FST: variants seen among roughly 807,000 people sequenced by gnomAD.
The protein encoded by FST is activin-binding protein.
Under a neutral mutation model 38.4 loss-of-function variants are expected in FST, and 6 were observed. That is an observed-to-expected ratio of 0.16 (90% CI 0.09 to 0.31). FST has a LOEUF of 0.31. FST is among the 10% of genes least tolerant of loss of function. The pLI is 1.00. For synonymous variants in FST, 157 were observed against 169.8 expected, an observed-to-expected ratio of 0.92 and a Z score of 0.59; for missense variants, 301 against 432.3, an observed-to-expected ratio of 0.70 and a Z score of 2.69.
rs1747350057 is a variant in FST, at chr5:53,483,249, A to G, written c.277+178A>G. ...TTCTGCCTGTTACAGGCTGTAGGGA[A>G]TACACGCCAGACTTCTTAGCCAAGT... is the stretch of plus-strand genomic sequence containing the variant. On this transcript the variant is annotated intron_variant, in intron 2 of 5. Transcript: ENST00000256759. This position sits in a 1 kb window ranked among gnomAD's most constrained non-coding sequence, Gnocchi z 4.1. Among the ~76,000 whole-genome samples the G allele has an allele frequency of 6.6e-6, 1 of 152,208 alleles. No homozygotes were observed. The highest frequency in any genetic ancestry group is 2.1e-4 in the South Asian group (1 of 4,830).
At chr5:53,481,324 T>G (rs973799113) in intron 1 of FST, among the ~76,000 whole-genome samples, 1 of 149,622 alleles carries the variant, frequency 6.7e-6, no homozygotes, top group Admixed American at 6.6e-5. Flanking sequence ...GGGGGAGAGA[T>G]ACTGAATTTT....
chr5:53,485,599 G>A, intron 5 of FST: 1 of 824,942 alleles, frequency 1.2e-6, no homozygotes, highest in Non-Finnish European at 2.1e-6. Flanking sequence ...ATGGGCTGCT[G>A]CTTTTTGCAG....
chr5:53,482,697 T>C (rs1237321286), intron 1 of FST, 183 bp from the exon 2 acceptor site: 1 of 533,286 alleles, frequency 1.9e-6, no homozygotes. Context: ...TGCCTTCTTT[T>C]TCCACCCCTC....
intron 5 of FST, chr5:53,485,686 G>A (rs770093272): frequency 1.2e-5 from 19 of 1,598,104 alleles, no homozygotes; most frequent in Non-Finnish European, 1.6e-5. Flanking sequence ...TCTAATTTCA[G>A]GAATCTGCCC....
chr5:53,482,782 C>T, intron 1 of FST, 98 bp from the exon 2 acceptor site: 1 of 663,380 alleles, frequency 1.5e-6, no homozygotes, highest in Admixed American at 2.8e-5. Context: ...ACCCCCTCCC[C>T]ATCCCCGCCG....
chr5:53,483,473 GT>G lies in FST; in HGVS notation c.278-27del. 6.4e-7 allele frequency: 1 copy of G among 1,571,764 alleles called. No individual in the cohort carries two copies. Among genetic ancestry groups the G allele is most frequent in the Non-Finnish European group, 8.8e-7 (1 of 1,142,696 alleles). On this transcript the variant is annotated intron_variant, in intron 2 of 5. Coordinates refer to ENST00000256759, the MANE Select transcript of FST (RefSeq NM_013409.3). This position sits in a 1 kb window ranked among gnomAD's most constrained non-coding sequence, Gnocchi z 4.1. ...CTGACCTGCAGACTGCCTGGCTCTG[GT>G]TTTAATCCATGCCTGTTTCTAACTC...
chr5:53,481,480 A>AAAAAAAAAAAAAAC (rs1182795888), intron 1 of FST, among the ~76,000 whole-genome samples: 1 of 150,220 alleles, frequency 6.7e-6, no homozygotes, highest in Non-Finnish European at 1.5e-5. Context: ...AAAAAAAAAA[A>AAAAAAAAAAAAAAC]AAAAAAGCCA....
At chr5:53,484,014 C>T (rs1477718277) in intron 3 of FST, 55 bp from the exon 4 acceptor site, 23 of 1,454,470 alleles carry the variant, frequency 1.6e-5, no homozygotes, top group Non-Finnish European at 2.1e-5. Context: ...TTCAAGTGCT[C>T]ACTCCCTAAG....
Position 53,486,099 on chromosome 5 carries a change from A to AG in FST, c.*67dup. ...AAAAAAAAAAAAAAAAAAAAGAAAA[A>AG]GAAAAAAAGAAAAATATATTGTCCA... is the stretch of plus-strand genomic sequence containing the variant. On this transcript the variant is annotated 3_prime_UTR_variant, in exon 6 of 6. Transcript: ENST00000256759. 1.2e-6 allele frequency: 1 copy of AG among 821,158 alleles called. No individual in the cohort carries two copies. Among genetic ancestry groups the AG allele is most frequent in the East Asian group, 2.8e-5 (1 of 35,948 alleles). The allele number at this position is 821,158 out of a possible 1,614,324, so 50.9% of individuals were successfully genotyped here.
rs1467001272 is a variant in FST at position 53,480,833 on chromosome 5, G to A, written c.42G>A (p.Leu14=). The change falls in exon 1 of 6, where the codon CTG becomes CTA. Residue 14 remains leucine (L), a synonymous_variant. Transcript: ENST00000256759. The stretch of plus-strand genomic sequence containing the variant: ...ACCAGCCGGGTGGGCTTTGCCTCCT[G>A]CTGCTGCTGCTCTGCCAGTTCATGG... ...ARHQPGGLCL[L]LLLLCQFMED... The A allele has an allele frequency of 2.0e-6, 3 of 1,507,882 alleles. No individual in the cohort carries two copies. The highest frequency in any genetic ancestry group is 2.7e-6 in the Non-Finnish European group (3 of 1,119,770). The allele number at this position is 1,507,882 out of a possible 1,614,324, so 93.4% of individuals were successfully genotyped here. A position where few individuals can be genotyped will look rare whatever the true frequency, so the allele number is the denominator to read the frequency against.
chr5:53,481,116 T>G (rs926224569), intron 1 of FST, among the ~76,000 whole-genome samples: 10 of 152,096 alleles, frequency 6.6e-5, no homozygotes, highest in Admixed American at 4.6e-4. Context: ...TCTTAGTAGT[T>G]AGGGTTAAAT....
intron 1 of FST, among the ~76,000 whole-genome samples, chr5:53,482,318 TTC>T (rs970627773): frequency 6.6e-6 from 1 of 151,912 alleles, no homozygotes; most frequent in Non-Finnish European, 1.5e-5. Context: ...TTTCTTTTCT[TTC>T]TTTCTTTCTC....
At position 53,480,744 on chromosome 5, in the gene FST, G is replaced by C. The variant is rs950856670; in HGVS notation, c.-48G>C. 2.5e-6 allele frequency: 2 copies of C among 787,286 alleles called. No individual in the cohort carries two copies. The highest frequency in any genetic ancestry group is 3.3e-6 in the Non-Finnish European group (2 of 602,694). The allele number at this position is 787,286 out of a possible 1,614,324, so 48.8% of individuals were successfully genotyped here. A position where few individuals can be genotyped will look rare whatever the true frequency, so the allele number is the denominator to read the frequency against. On this transcript the variant is annotated 5_prime_UTR_variant, in exon 1 of 6. Coordinates refer to ENST00000256759, the MANE Select transcript of FST (RefSeq NM_013409.3). ...GCTCGCCCGAGCCACCCGCCGCCGCGCCGGCTCCCCGCGCCGCTGCGCTCC... is the reference window on the plus strand; with the variant it reads ...GCTCGCCCGAGCCACCCGCCGCCGCCCCGGCTCCCCGCGCCGCTGCGCTCC...
chr5:53,482,425 G>A (rs1243408812), intron 1 of FST, among the ~76,000 whole-genome samples: 1 of 148,642 alleles, frequency 6.7e-6, no homozygotes, highest in African/African-American at 2.5e-5. Flanking sequence ...TCCTGTACCC[G>A]CCTACATGAA....
chr5:53,484,369 A>T, intron 4 of FST, 76 bp downstream of exon 4: 1 of 1,494,252 alleles, frequency 6.7e-7, no homozygotes, highest in Non-Finnish European at 9.0e-7. Context: ...TTAACTAATA[A>T]GTAAAGCCCA....
rs1747372498 is a variant in FST at position 53,483,601 on chromosome 5, C to T, written c.375C>T (p.Ile125=). ...RCVCAPDCSN[I]TWKGPVCGLD... ...TCTGCGCCCCGGATTGTTCCAACAT[C>T]ACCTGGAAGGGTCCAGTCTGCGGGC... The change falls in exon 3 of 6, where the codon ATC becomes ATT. Residue 125 remains isoleucine (I), a synonymous_variant. Transcript: ENST00000256759. This position sits in a 1 kb window ranked among gnomAD's most constrained non-coding sequence, Gnocchi z 4.1. The T allele has an allele frequency of 6.2e-7, 1 of 1,613,988 alleles. No individual in the cohort carries two copies. Among genetic ancestry groups the T allele is most frequent in the Non-Finnish European group, 8.5e-7 (1 of 1,179,918 alleles).
intron 5 of FST, 88 bp downstream of exon 5, chr5:53,485,315 C>A: frequency 1.4e-6 from 1 of 723,076 alleles, no homozygotes; most frequent in Admixed American, 2.0e-5. Context: ...GCAGATCTCC[C>A]ATAAATCCAT....
rs1747331255 is a variant in FST, at chr5:53,482,980, C to G, written c.186C>G (p.Ser62Arg). ...KEECCSTGRLSTSWTEEDVND... is the reference protein window; with the variant it reads ...KEECCSTGRLRTSWTEEDVND... ...AGTGCTGCAGCACCGGCCGGCTGAG[C>G]ACCTCGTGGACCGAGGAGGACGTGA... Residue 62 changes from serine (S) to arginine (R), a missense_variant, in exon 2 of 6, where the codon AGC becomes AGG. Coordinates refer to ENST00000256759, the MANE Select transcript of FST (RefSeq NM_013409.3). The G allele has an allele frequency of 6.2e-7, 1 of 1,613,118 alleles. No homozygotes were observed. The highest frequency in any genetic ancestry group is 1.3e-5 in the African/African-American group (1 of 74,916).
chr5:53,482,640 C>A, intron 1 of FST: 1 of 482,120 alleles, frequency 2.1e-6, no homozygotes, highest in Non-Finnish European at 3.6e-6. Context: ...CTCCCTCCCT[C>A]CCTCTCGCCC....
Sources: allele counts gnomAD v4.1 joint callset (sites outside exome capture counted in the v4.1 genomes callset), GRCh38; gene constraint gnomAD v4.1.1; non-coding constraint Gnocchi (gnomAD v3.1); transcripts MANE v1.5; gene names NCBI Gene and HGNC (gene_info 2026-07-23, HGNC 2026-07-21).